PCLO: variants seen among roughly 807,000 people sequenced by gnomAD.
PCLO encodes piccolo presynaptic cytomatrix protein.
Under a neutral mutation model 427.5 loss-of-function variants are expected in PCLO, and 82 were observed. The observed-to-expected ratio is 0.19, with a 90% confidence interval of 0.16 to 0.23. The LOEUF is 0.23. Among genes scored for constraint, PCLO ranks in the 10% least tolerant of loss-of-function variants. The probability of loss-of-function intolerance (pLI) is 1.00; values close to 1 mark genes in which losing one functional copy is unlikely to be tolerated. For synonymous variants in PCLO, 2,357 were observed against 2,155.4 expected, an observed-to-expected ratio of 1.09 and a Z score of -2.59; for missense variants, 6,239 against 6,115.9, an observed-to-expected ratio of 1.02 and a Z score of -0.67.
At chr7:82,989,993 A>G (rs1362650136) in intron 3 of PCLO, among the ~76,000 whole-genome samples, 1 of 152,202 alleles carries the variant, frequency 6.6e-6, no homozygotes, top group Non-Finnish European at 1.5e-5. Context: ...CTTTAGTAGA[A>G]AAAGATTTCC....
intron 10 of PCLO, chr7:82,868,206 T>C (rs760549849): frequency 7.2e-5 from 33 of 456,468 alleles, no homozygotes; most frequent in South Asian, 3.1e-4. Context: ...CTGTAACATA[T>C]GCCAAAAAAG....
intron 2 of PCLO, among the ~76,000 whole-genome samples, chr7:83,138,734 A>G (rs900648806): frequency 2.0e-5 from 3 of 151,924 alleles, no homozygotes; most frequent in African/African-American, 7.3e-5. Context: ...TGCATAAGAC[A>G]ATTTCAAGGT....
At chr7:83,145,580 G>A (rs189209050) in intron 2 of PCLO, among the ~76,000 whole-genome samples, 3 of 152,238 alleles carry the variant, frequency 2.0e-5, no homozygotes, top group Admixed American at 1.3e-4. Flanking sequence ...CTGTGCAAAA[G>A]TCATTTAAAT....
intron 10 of PCLO, among the ~76,000 whole-genome samples, chr7:82,866,111 C>T (rs377245208): frequency 2.1e-3 from 322 of 152,274 alleles, no homozygotes; most frequent in African/African-American, 7.5e-3. Flanking sequence ...CATGCTCTTG[C>T]TCAGGATATT....
intron 3 of PCLO, among the ~76,000 whole-genome samples, chr7:83,056,705 C>T (rs1789387196): frequency 6.6e-6 from 1 of 152,082 alleles, no homozygotes; most frequent in African/African-American, 2.4e-5. Context: ...GAGATTAAGA[C>T]TGGAAAGGAA....
chr7:83,154,624 C>A, intron 2 of PCLO, 124 bp downstream of exon 2: 3 of 740,940 alleles, frequency 4.0e-6, no homozygotes, highest in South Asian at 4.4e-5. Context: ...ACAAAACGAA[C>A]GAAGGAGGGG....
chr7:83,116,540 T>G (rs1161336113), intron 3 of PCLO, among the ~76,000 whole-genome samples: 1 of 152,214 alleles, frequency 6.6e-6, no homozygotes, highest in Non-Finnish European at 1.5e-5. Context: ...GTATTCACCA[T>G]GCACAACATG....
intron 9 of PCLO, among the ~76,000 whole-genome samples, chr7:82,882,655 T>C (rs1049396713): frequency 5.3e-5 from 8 of 152,108 alleles, no homozygotes; most frequent in African/African-American, 1.9e-4. Flanking sequence ...GGGATATTTA[T>C]AGAAAAGAGA....
chr7:82,779,213 C>T (rs893276963), intron 22 of PCLO, among the ~76,000 whole-genome samples: 7 of 151,874 alleles, frequency 4.6e-5, no homozygotes, highest in African/African-American at 1.5e-4. Flanking sequence ...TTTTTAAAAC[C>T]GTGTTTTGAA....
At chr7:82,997,087 G>A (rs1021625563) in intron 3 of PCLO, among the ~76,000 whole-genome samples, 24 of 151,980 alleles carry the variant, frequency 1.6e-4, no homozygotes, top group African/African-American at 5.1e-4. Context: ...AGTTGGAGTC[G>A]TAGATCAAAC....
At chr7:82,881,807 A>AT (rs139239643) in intron 9 of PCLO, among the ~76,000 whole-genome samples, 5 of 151,164 alleles carry the variant, frequency 3.3e-5, no homozygotes, top group African/African-American at 4.9e-5. Context: ...TGCCCACCTA[A>AT]TTTTTTTTTA....
intron 22 of PCLO, among the ~76,000 whole-genome samples, chr7:82,781,672 A>G (rs1194909175): frequency 6.6e-6 from 1 of 152,146 alleles, no homozygotes; most frequent in Non-Finnish European, 1.5e-5. Flanking sequence ...AGGCCTCAGG[A>G]AATAGAATCT....
In PCLO at chr7:82,916,773, G is replaced by T. The variant is rs777325476; in HGVS notation, c.11213C>A (p.Ser3738Tyr). 1 of 1,613,516 alleles carries T rather than the reference G, an allele frequency of 6.2e-7. No individual in the cohort carries two copies. The change falls in exon 7 of 25, where the codon TCC becomes TAC. Residue 3738 changes from serine to tyrosine, a missense_variant. Ser to Tyr is a moderately radical substitution (Grantham distance 144). Coordinates refer to ENST00000333891, the MANE Select transcript of PCLO (RefSeq NM_033026.6). ...AACTGTGCCCATTGTGCTGAATGTG[G>T]ATTGAGTTCCTGTGGAAATCTCCTC... ...PPEEISTGTQ[S>Y]TFSTMGTVSR...
intron 3 of PCLO, among the ~76,000 whole-genome samples, chr7:83,084,727 CA>C (rs1584000469): frequency 6.6e-6 from 1 of 152,188 alleles, no homozygotes; most frequent in East Asian, 1.9e-4. Flanking sequence ...CTTTAAAAAA[CA>C]AAGAAATTTT....
intron 9 of PCLO, 47 bp from the exon 10 acceptor site, chr7:82,879,509 C>A: frequency 7.2e-7 from 1 of 1,395,060 alleles, no homozygotes; most frequent in Non-Finnish European, 9.9e-7. Context: ...TAAGAAGGGA[C>A]AATAGTTATC....
chr7:82,929,860 T>C (rs1794799639), intron 6 of PCLO, among the ~76,000 whole-genome samples: 1 of 152,196 alleles, frequency 6.6e-6, no homozygotes, highest in East Asian at 1.9e-4. Flanking sequence ...GAATTCTAAT[T>C]GTTTGTCCTT....
chr7:82,828,393 A>T (rs937080973), intron 16 of PCLO, among the ~76,000 whole-genome samples: 1 of 152,188 alleles, frequency 6.6e-6, no homozygotes, highest in Non-Finnish European at 1.5e-5. Flanking sequence ...ACTGAGAAAA[A>T]GATGAAGAAT....
chr7:82,906,054 G>GATA (rs57635834), intron 8 of PCLO, among the ~76,000 whole-genome samples: 1,581 of 148,502 alleles, frequency 0.011, 31 homozygotes, highest in African/African-American at 0.037. Flanking sequence ...TAGATAGATA[G>GATA]GTACACACAC....
intron 3 of PCLO, among the ~76,000 whole-genome samples, chr7:83,061,471 A>G (rs1411264137): frequency 1.3e-5 from 2 of 152,206 alleles, no homozygotes; most frequent in Admixed American, 6.5e-5. Context: ...ACATAACATA[A>G]TAAAATCAAA....
Sources: gnomAD v4.1 joint callset for allele counts (sites outside exome capture counted in the v4.1 genomes callset) on GRCh38, gnomAD v4.1.1 for gene constraint, MANE v1.5 for transcripts, NCBI Gene and HGNC (gene_info 2026-07-23, HGNC 2026-07-21) for gene names.